MYB: variants seen among roughly 807,000 people sequenced by gnomAD.
MYB encodes transcriptional activator Myb.
MYB carries 28 observed loss-of-function variants against 92.9 expected under a neutral mutation model. The ratio of observed to expected loss-of-function variants is 0.30; its 90% CI spans 0.22 to 0.41. The LOEUF is 0.41. Among genes scored for constraint, MYB ranks in the 10% least tolerant of loss-of-function variants. The pLI is 1.00. For missense variants in MYB, 679 were observed against 929.3 expected (o/e 0.73, Z 3.50); for synonymous variants, 295 against 329.1 (o/e 0.90, Z 1.12).
Position 135,198,902 on chromosome 6 carries a change from A to G in MYB, c.1567-6A>G. 4 of 1,594,560 alleles carry G rather than the reference A, an allele frequency of 2.5e-6. No individual in the cohort carries two copies. Among genetic ancestry groups the G allele is most frequent in the Non-Finnish European group, 2.6e-6 (3 of 1,166,482 alleles). On this transcript the variant is annotated splice_region_variant and splice_polypyrimidine_tract_variant and intron_variant, in intron 10 of 15. Coordinates refer to ENST00000341911, the MANE Select transcript of MYB (RefSeq NM_001130173.2). ...CTAAGTATTTTTTCTTTCTCTCCATATTTAGTTCTTAAACACTTCCAGTAA... is the reference window on the plus strand; with the variant it reads ...CTAAGTATTTTTTCTTTCTCTCCATGTTTAGTTCTTAAACACTTCCAGTAA...
intron 2 of MYB, among the ~76,000 whole-genome samples, 153 bp downstream of exon 2, chr6:135,186,173 A>C (rs995040294): frequency 3.3e-5 from 5 of 151,996 alleles, no homozygotes; most frequent in Admixed American, 6.5e-5. Flanking sequence ...TATGCCCCCC[A>C]CTTCATTATA....
intron 1 of MYB, among the ~76,000 whole-genome samples, chr6:135,185,178 A>G (rs1421923806): frequency 6.6e-6 from 1 of 152,240 alleles, no homozygotes; most frequent in Non-Finnish European, 1.5e-5. Flanking sequence ...TGGCCTAATT[A>G]TTCACTTAGT....
intron 1 of MYB, among the ~76,000 whole-genome samples, chr6:135,185,046 T>C (rs1775735563): frequency 6.6e-6 from 1 of 152,234 alleles, no homozygotes. Flanking sequence ...AATGGGTTCT[T>C]TTAAATCCAT....
intron 3 of MYB, among the ~76,000 whole-genome samples, chr6:135,188,497 T>C (rs1360045064): frequency 6.6e-6 from 1 of 151,586 alleles, no homozygotes; most frequent in African/African-American, 2.4e-5. Flanking sequence ...TCTTTCTTTT[T>C]TTTTTTTTTG....
At chr6:135,212,224 CT>C (rs545704827) in intron 15 of MYB, among the ~76,000 whole-genome samples, 262 of 32,862 alleles carry the variant, frequency 8.0e-3, no homozygotes, top group South Asian at 0.019. Context: ...TTTGGTTTTA[CT>C]TTTTTTTTTT....
chr6:135,213,650 G>A (rs1780042006), intron 15 of MYB, among the ~76,000 whole-genome samples: 1 of 152,176 alleles, frequency 6.6e-6, no homozygotes, highest in African/African-American at 2.4e-5. Context: ...AGGAAGCCAA[G>A]GCAAGTGGAT....
At chr6:135,185,446 G>A (rs192082143) in intron 1 of MYB, among the ~76,000 whole-genome samples, 44 of 152,192 alleles carry the variant, frequency 2.9e-4, no homozygotes, top group Admixed American at 1.3e-3. Context: ...AAACCCCATT[G>A]GAATAGCATA....
Position 135,217,890 on chromosome 6 carries a change from A to G in MYB, c.2196A>G (p.Ala732=). The change falls in exon 16 of 16, where the codon GCA becomes GCG. Residue 732 remains alanine (A), a synonymous_variant. Transcript: ENST00000341911. ...LQPCSSTWEP[A]SCGKMEEQMT... ...CTTGTAGCAGTACCTGGGAACCTGCATCCTGTGGAAAGATGGAGGAGCAGA... is the reference window on the plus strand; with the variant it reads ...CTTGTAGCAGTACCTGGGAACCTGCGTCCTGTGGAAAGATGGAGGAGCAGA... The G allele has an allele frequency of 6.2e-7, 1 of 1,613,178 alleles. No individual in the cohort carries two copies.
At chr6:135,208,449 A>G (rs1473149887) in intron 15 of MYB, among the ~76,000 whole-genome samples, 2 of 151,406 alleles carry the variant, frequency 1.3e-5, no homozygotes, top group South Asian at 4.2e-4. Flanking sequence ...TGGCAAGATC[A>G]TGGCTCACTG....
chr6:135,189,829 A>C lies in MYB; in HGVS notation c.252A>C (p.Lys84Asn). The change falls in exon 4 of 16, where the codon AAA (lysine) becomes AAC (asparagine). Residue 84 changes from lysine (K) to asparagine (N), a missense_variant. Lys to Asn is a moderately conservative substitution (Grantham distance 94). Around this residue, in one of 8 missense-constraint regions of MYB, gnomAD observed 88 missense variants for 145.6 expected, o/e 0.60. Coordinates refer to ENST00000341911, the MANE Select transcript of MYB (RefSeq NM_001130173.2). The part of the protein sequence containing the change: ...TDVQCQHRWQ[K>N]VLNPELIKGP... Reference sequence around the variant, plus strand: ...TGCAGTGCCAGCACCGATGGCAGAAAGTACTAAACCCTGAGCTCATCAAGG... The same window carrying C: ...TGCAGTGCCAGCACCGATGGCAGAACGTACTAAACCCTGAGCTCATCAAGG... 1 of 1,614,202 alleles carries C rather than the reference A, an allele frequency of 6.2e-7. No homozygotes were observed. Among genetic ancestry groups the C allele is most frequent in the Non-Finnish European group, 8.5e-7 (1 of 1,180,000 alleles).
rs1185638800 is a variant in MYB at position 135,182,950 on chromosome 6, T to C, written c.23+1414T>C. On this transcript the variant is annotated intron_variant, in intron 1 of 15. Coordinates refer to ENST00000341911, the MANE Select transcript of MYB (RefSeq NM_001130173.2). This position sits in a 1 kb window ranked among gnomAD's most constrained non-coding sequence, Gnocchi z 5.6. ...GCCGCGCAGGACGGTGTGCTGCCCC[T>C]CGAGGGCTCCACTTTTCGCCTTTAG... Among the ~76,000 whole-genome samples the C allele has an allele frequency of 6.7e-6, 1 of 149,950 alleles. No individual in the cohort carries two copies. Among genetic ancestry groups the C allele is most frequent in the Non-Finnish European group, 1.5e-5 (1 of 67,640 alleles).
chr6:135,183,411 G>T (rs544076918), intron 1 of MYB, among the ~76,000 whole-genome samples: 7 of 152,032 alleles, frequency 4.6e-5, no homozygotes, highest in Non-Finnish European at 8.8e-5. Context: ...TTCTTTGCAC[G>T]GTTTGTTTCC....
rs112737136 is a variant in MYB at position 135,196,130 on chromosome 6, A to T, written c.1203+128A>T. 163 of 962,540 alleles carry T rather than the reference A, an allele frequency of 1.7e-4. No homozygotes were observed. In the African/African-American group the frequency reaches 2.2e-3, roughly 13 times the overall value. 59.6% of individuals were successfully genotyped at this position (962,540 alleles called of 1,614,324 possible). ...ATATTAATGTAAAGGTAGAAGTATG[A>T]TTTTCATCTTCATGAATATGTTTTT... On this transcript the variant is annotated intron_variant, in intron 9 of 15. Transcript: ENST00000341911.
rs775629158 is a variant in MYB, at chr6:135,200,283, C to T, written c.1825-7C>T. On this transcript the variant is annotated splice_region_variant and splice_polypyrimidine_tract_variant and intron_variant, in intron 12 of 15. Coordinates refer to ENST00000341911, the MANE Select transcript of MYB (RefSeq NM_001130173.2). ...TCTGATGCAAAAATACCCACTCTTC[C>T]GTTTAGCCTCAGACACCCTCTCATC... 5.5e-5 allele frequency: 88 copies of T among 1,613,740 alleles called. No individual in the cohort carries two copies. In the South Asian group the frequency reaches 6.9e-4, roughly 13 times the overall value.
chr6:135,186,456 C>G (rs1295077740), intron 2 of MYB, among the ~76,000 whole-genome samples: 1 of 152,228 alleles, frequency 6.6e-6, no homozygotes, highest in South Asian at 2.1e-4. Flanking sequence ...GACTGCAAGT[C>G]TGTTGAGGGC....
At position 135,181,461 on chromosome 6, in the gene MYB, G is replaced by A; in HGVS notation, c.-53G>A. On this transcript the variant is annotated 5_prime_UTR_variant, in exon 1 of 16. Transcript: ENST00000341911. This position sits in a 1 kb window ranked among gnomAD's most constrained non-coding sequence, Gnocchi z 5.3. ...GGCAGGCGGCGGGCAGCGGGAGGCGGCAGCCCGGTGCGGTCCCCGCGGCTC... is the reference window on the plus strand; with the variant it reads ...GGCAGGCGGCGGGCAGCGGGAGGCGACAGCCCGGTGCGGTCCCCGCGGCTC... 1 of 1,105,268 alleles carries A rather than the reference G, an allele frequency of 9.0e-7. No homozygotes were observed. Among genetic ancestry groups the A allele is most frequent in the Non-Finnish European group, 1.1e-6 (1 of 904,966 alleles). The allele number at this position is 1,105,268 out of a possible 1,614,324, so 68.5% of individuals were successfully genotyped here.
At chr6:135,194,853 T>A in intron 8 of MYB, 2 of 1,103,610 alleles carry the variant, frequency 1.8e-6, no homozygotes, top group East Asian at 4.6e-5. Context: ...TATTTTATAA[T>A]TTCAGACATG....
At position 135,218,046 on chromosome 6, in the gene MYB, CA is replaced by C; in HGVS notation, c.*68del. 3.2e-6 allele frequency: 4 copies of C among 1,259,394 alleles called. No homozygotes were observed. The highest frequency in any genetic ancestry group is 4.6e-6 in the Non-Finnish European group (4 of 860,276). The allele number at this position is 1,259,394 out of a possible 1,614,324, so 78.0% of individuals were successfully genotyped here. On this transcript the variant is annotated 3_prime_UTR_variant, in exon 16 of 16. Coordinates refer to ENST00000341911, the MANE Select transcript of MYB (RefSeq NM_001130173.2). ...AGTTGACTTGGGATATATCATTCCT[CA>C]ACATGAAACTTTTCATGAATGGGAG...
Position 135,190,009 on chromosome 6 carries a change from C to A in MYB, c.307-118C>A. The A allele has an allele frequency of 7.1e-7, 1 of 1,404,870 alleles. No homozygotes were observed. The highest frequency in any genetic ancestry group is 9.8e-7 in the Non-Finnish European group (1 of 1,021,612). The allele number at this position is 1,404,870 out of a possible 1,614,324, so 87.0% of individuals were successfully genotyped here. A position where few individuals can be genotyped will look rare whatever the true frequency, so the allele number is the denominator to read the frequency against. On this transcript the variant is annotated intron_variant, in intron 4 of 15. Transcript: ENST00000341911. This position sits in a 1 kb window ranked among gnomAD's most constrained non-coding sequence, Gnocchi z 4.5. ...AGTAGAGGACTCTATTCCCATATTT[C>A]CAGTGAATGAAAGCAAATTTTGGAA...
Sources: gnomAD v4.1 joint callset for allele counts (sites outside exome capture counted in the v4.1 genomes callset) on GRCh38, gnomAD v4.1.1 for gene constraint, gnomAD v4.1.1 regional missense constraint, Gnocchi (gnomAD v3.1) non-coding constraint, MANE v1.5 for transcripts, NCBI Gene and HGNC (gene_info 2026-07-23, HGNC 2026-07-21) for gene names.